Variants in ATIC observed in about 807,000 individuals in gnomAD.
The protein encoded by ATIC is bifunctional purine biosynthesis protein ATIC.
In ATIC, 64 loss-of-function variants were observed where a neutral mutation model predicts 72.5. That is an observed-to-expected ratio of 0.88 (90% CI 0.72 to 1.09). The LOEUF (loss-of-function observed/expected upper bound fraction) is 1.09. ATIC is among the 50% of genes least tolerant of loss of function. ATIC has a pLI of 0.00. For synonymous variants in ATIC, 281 were observed against 267.1 expected, an observed-to-expected ratio of 1.05 and a Z score of -0.51; for missense variants, 787 against 732.4, an observed-to-expected ratio of 1.07 and a Z score of -0.86.
chr2:215,325,102 A>G (rs3772077), intron 4 of ATIC, 139 bp from the exon 5 acceptor site: 157,171 of 684,090 alleles, frequency 0.23, 19,737 homozygotes, highest in East Asian at 0.48. Context: ...GAATTCTAAA[A>G]TGTCAGGCTC....
chr2:215,316,953 G>T (rs1222552224), intron 2 of ATIC, among the ~76,000 whole-genome samples: 1 of 152,044 alleles, frequency 6.6e-6, no homozygotes, highest in Non-Finnish European at 1.5e-5. Context: ...GTAGAGGCGG[G>T]GTTTCACCAT....
chr2:215,317,180 A>G (rs1428580757), intron 2 of ATIC, among the ~76,000 whole-genome samples: 1 of 152,140 alleles, frequency 6.6e-6, no homozygotes, highest in Non-Finnish European at 1.5e-5. Flanking sequence ...ATATGGATTA[A>G]TATTTACTGT....
chr2:215,329,779 T>C (rs997854618), intron 7 of ATIC, among the ~76,000 whole-genome samples: 10 of 152,162 alleles, frequency 6.6e-5, no homozygotes, highest in African/African-American at 2.4e-4. Context: ...TCTTTTTTTT[T>C]TGAGGCAGAG....
rs749939668 is a variant in ATIC at position 215,349,186 on chromosome 2, T to C, written c.1596T>C (p.Thr532=). 4.3e-6 allele frequency: 7 copies of C among 1,614,052 alleles called. No homozygotes were observed. The African/African-American group carries it at 9.3e-5, about 22-fold the overall frequency. ...AEKKEWVEKL[T]EVSISSDAFF... ...AGAAGGAATGGGTTGAGAAACTGACTGAAGTTTCTATCAGCTCTGATGCCT... is the reference window on the plus strand; with the variant it reads ...AGAAGGAATGGGTTGAGAAACTGACCGAAGTTTCTATCAGCTCTGATGCCT... The change falls in exon 15 of 16, where the codon ACT becomes ACC. Residue 532 remains threonine (T), a synonymous_variant. Transcript: ENST00000236959.
At chr2:215,320,771 G>A (rs1353109150) in intron 4 of ATIC, among the ~76,000 whole-genome samples, 2 of 152,018 alleles carry the variant, frequency 1.3e-5, no homozygotes, top group Non-Finnish European at 2.9e-5. Flanking sequence ...AGTAGAGATG[G>A]GGTTTCACCA....
chr2:215,339,708 C>G (rs1329360381), intron 12 of ATIC, among the ~76,000 whole-genome samples: 1 of 151,654 alleles, frequency 6.6e-6, no homozygotes, highest in Admixed American at 6.6e-5. Flanking sequence ...GATCTCGGGT[C>G]ACTGCAAGCT....
chr2:215,362,085 A>G, the ATIC span: 1 of 1,609,720 alleles, frequency 6.2e-7, no homozygotes, highest in African/African-American at 1.3e-5. Flanking sequence ...CAGCCCTGAG[A>G]GAGTAGAGGC....
rs995360291 is a variant in ATIC, at chr2:215,347,055, C to T, written c.1503+114C>T. On this transcript the variant is annotated intron_variant, in intron 14 of 15. Transcript: ENST00000236959. Reference sequence around the variant, plus strand: ...AGAAAAAGATACTTTCATTGAAATTCTATGTTGTCTAAAATTGATCATTGA... The same window carrying T: ...AGAAAAAGATACTTTCATTGAAATTTTATGTTGTCTAAAATTGATCATTGA... The T allele has an allele frequency of 3.9e-6, 5 of 1,292,734 alleles. No homozygotes were observed. The Admixed American group carries it at 5.9e-5, about 15-fold the overall frequency. The allele number at this position is 1,292,734 out of a possible 1,614,324, so 80.1% of individuals were successfully genotyped here. A position where few individuals can be genotyped will look rare whatever the true frequency, so the allele number is the denominator to read the frequency against.
chr2:215,318,663 C>T (rs970599795), intron 3 of ATIC, among the ~76,000 whole-genome samples: 4 of 151,884 alleles, frequency 2.6e-5, no homozygotes, highest in Non-Finnish European at 5.9e-5. Context: ...TAAACCGAAA[C>T]GGCAAGAAAC....
chr2:215,361,681 A>C, the ATIC span: 1 of 1,359,730 alleles, frequency 7.4e-7, no homozygotes, highest in Non-Finnish European at 1.1e-6. Flanking sequence ...TAAAGTGTAC[A>C]GAAAAAAAAA....
At chr2:215,353,388 G>A (rs575680461), downstream of ATIC, among the ~76,000 whole-genome samples, 4 of 151,992 alleles carry the variant, frequency 2.6e-5, no homozygotes, top group Admixed American at 2.0e-4. Flanking sequence ...CTGGACTTGG[G>A]GTCACATTTT....
chr2:215,329,191 G>A (rs1445911951), intron 7 of ATIC, among the ~76,000 whole-genome samples: 1 of 152,130 alleles, frequency 6.6e-6, no homozygotes, highest in Admixed American at 6.5e-5. Context: ...TTTGTCTGCT[G>A]TTATATCTGA....
In ATIC at chr2:215,349,574, T is replaced by C. The variant is rs1031188154; in HGVS notation, c.1698T>C (p.Ala566=). Residue 566 remains alanine, a synonymous_variant, in exon 16 of 16, where the codon GCT becomes GCC. Transcript: ENST00000236959. Reference sequence around the variant, plus strand: ...ACATTGCGGCTCCCTCCGGTTCTGCTGCTGACAAAGTTGTGATTGAGGCCT... The same window carrying C: ...ACATTGCGGCTCCCTCCGGTTCTGCCGCTGACAAAGTTGTGATTGAGGCCT... ...VAYIAAPSGS[A]ADKVVIEACD... is the part of the protein sequence containing the mutation. 2 of 1,614,202 alleles carry C rather than the reference T, an allele frequency of 1.2e-6. No individual in the cohort carries two copies. The highest frequency in any genetic ancestry group is 1.6e-4 in the Middle Eastern group (1 of 6,062).
intron 11 of ATIC, 143 bp from the exon 12 acceptor site, chr2:215,338,636 A>G (rs1452393569): frequency 3.5e-6 from 3 of 848,124 alleles, no homozygotes; most frequent in Non-Finnish European, 3.5e-6. Context: ...GTTGTGTGAG[A>G]AAAATTAGAA....
intron 7 of ATIC, among the ~76,000 whole-genome samples, chr2:215,327,921 G>A (rs192686037): frequency 0.015 from 2,230 of 150,332 alleles, 49 homozygotes; most frequent in African/African-American, 0.051. Flanking sequence ...TTAAGACAAC[G>A]GAGTCTCGCT....
chr2:215,312,459 T>C, intron 1 of ATIC, 39 bp from the exon 2 acceptor site: 3 of 1,614,190 alleles, frequency 1.9e-6, no homozygotes, highest in Non-Finnish European at 2.5e-6. Flanking sequence ...CACAGTGCAA[T>C]GTGCTGCGAA....
intron 7 of ATIC, among the ~76,000 whole-genome samples, chr2:215,330,303 G>C (rs888758418): frequency 5.3e-5 from 8 of 152,092 alleles, no homozygotes; most frequent in Admixed American, 3.9e-4. Context: ...GATTTTATTT[G>C]ACTTGATTTT....
chr2:215,312,776 G>T, intron 2 of ATIC, 152 bp downstream of exon 2: 3 of 1,306,430 alleles, frequency 2.3e-6, no homozygotes, highest in Non-Finnish European at 3.2e-6. Flanking sequence ...GGGAAAAAAA[G>T]TGAGGCTCAG....
intron 8 of ATIC, among the ~76,000 whole-genome samples, 188 bp downstream of exon 8, chr2:215,332,695 T>C (rs951129669): frequency 6.6e-6 from 1 of 152,130 alleles, no homozygotes; most frequent in Admixed American, 6.5e-5. Context: ...TTGTGTAATA[T>C]TGTCAGGAAA....
Sources: gnomAD v4.1 joint callset for allele counts (sites outside exome capture counted in the v4.1 genomes callset) on GRCh38, gnomAD v4.1.1 for gene constraint, MANE v1.5 for transcripts, NCBI Gene and HGNC (gene_info 2026-07-23, HGNC 2026-07-21) for gene names.